The following ZBTB20 variants were observed in gnomAD, a reference collection of about 807,000 sequenced individuals.
The protein encoded by ZBTB20 is zinc finger and BTB domain-containing protein 20.
Under a neutral mutation model 56.9 loss-of-function variants are expected in ZBTB20, and 9 were observed. The observed-to-expected ratio is 0.16, with a 90% CI of 0.10 to 0.28. The LOEUF (loss-of-function observed/expected upper bound fraction) is 0.28. Among genes scored for constraint, ZBTB20 ranks in the 10% least tolerant of loss-of-function variants. ZBTB20 has a pLI of 1.00. For synonymous variants in ZBTB20, 417 were observed against 420.7 expected (o/e 0.99, Z 0.11); for missense variants, 655 against 1,003.0 (o/e 0.65, Z 4.69).
chr3:114,981,176 C>G (rs2078311551), intron 2 of ZBTB20, among the ~76,000 whole-genome samples: 2 of 151,868 alleles, frequency 1.3e-5, no homozygotes, highest in African/African-American at 4.8e-5. Flanking sequence ...ATAAAAACCC[C>G]TTGCTTTCTA....
intron 1 of ZBTB20, among the ~76,000 whole-genome samples, chr3:115,073,880 C>G (rs1231667702): frequency 2.0e-5 from 3 of 151,926 alleles, no homozygotes; most frequent in Non-Finnish European, 4.4e-5. Context: ...CATTATGAAA[C>G]TTTGCTCCCA....
intron 6 of ZBTB20, among the ~76,000 whole-genome samples, chr3:114,604,865 T>C (rs1238556133): frequency 2.6e-5 from 4 of 152,132 alleles, no homozygotes; most frequent in African/African-American, 9.7e-5. Flanking sequence ...GATGAATCCC[T>C]TTAAAAGCCT....
intron 5 of ZBTB20, among the ~76,000 whole-genome samples, chr3:114,790,600 T>C (rs4516580): frequency 0.67 from 101,057 of 151,628 alleles, 38,720 homozygotes; most frequent in East Asian, 0.95. Flanking sequence ...CTTTTTTTTT[T>C]TTTTTTTACA....
intron 5 of ZBTB20, among the ~76,000 whole-genome samples, chr3:114,713,377 G>C (rs1225144688): frequency 3.3e-5 from 5 of 152,080 alleles, no homozygotes; most frequent in African/African-American, 1.2e-4. Flanking sequence ...TTTCCTAGCT[G>C]AAAATGCCGG....
chr3:115,074,814 G>A (rs1032834693), intron 1 of ZBTB20, among the ~76,000 whole-genome samples: 1 of 152,058 alleles, frequency 6.6e-6, no homozygotes, highest in Admixed American at 6.6e-5. Context: ...GAGTGGAGCT[G>A]GGCCTCTGAT....
chr3:115,020,165 T>C (rs1051488022), intron 2 of ZBTB20, among the ~76,000 whole-genome samples: 5 of 151,150 alleles, frequency 3.3e-5, no homozygotes, highest in African/African-American at 1.2e-4. Context: ...AACCCAAATG[T>C]CTTGAGCCAC....
chr3:115,078,613 G>GTGTGTGTGTGTATA (rs769630983), intron 1 of ZBTB20, among the ~76,000 whole-genome samples: 5 of 137,828 alleles, frequency 3.6e-5, no homozygotes, highest in African/African-American at 1.4e-4. Context: ...GTGTGTGTGT[G>GTGTGTGTGTGTATA]TATATATATA....
chr3:115,132,612 T>G (rs939813941), intron 1 of ZBTB20, among the ~76,000 whole-genome samples: 3 of 152,134 alleles, frequency 2.0e-5, no homozygotes, highest in African/African-American at 7.2e-5. Flanking sequence ...ATTTAACAAT[T>G]TAGGCCATGT....
intron 7 of ZBTB20, among the ~76,000 whole-genome samples, chr3:114,423,046 C>T (rs2089327709): frequency 6.6e-6 from 1 of 152,100 alleles, no homozygotes. Context: ...GCCCTTTTCT[C>T]CCATAATCAA....
chr3:114,438,434 AC>A (rs1553712958), intron 7 of ZBTB20, among the ~76,000 whole-genome samples: 21 of 127,610 alleles, frequency 1.6e-4, no homozygotes, highest in South Asian at 5.6e-4. Context: ...AACAAAAAAA[AC>A]CAAAAAAAAA....
intron 6 of ZBTB20, among the ~76,000 whole-genome samples, chr3:114,551,262 A>C (rs2050542002): frequency 6.6e-6 from 1 of 152,238 alleles, no homozygotes; most frequent in Admixed American, 6.5e-5. Context: ...TCACAATAAA[A>C]GAGATTCAAT....
chr3:114,724,971 G>A (rs1165475086), intron 5 of ZBTB20, among the ~76,000 whole-genome samples: 1 of 151,868 alleles, frequency 6.6e-6, no homozygotes, highest in Non-Finnish European at 1.5e-5. Flanking sequence ...GCAAATTTCT[G>A]GGCTCCAATC....
chr3:114,802,786 A>G lies in ZBTB20; in HGVS notation c.-416-1612T>C, dbSNP rs368777410. On this transcript the variant is annotated intron_variant, in intron 4 of 11. Coordinates refer to ENST00000675478, the MANE Select transcript of ZBTB20 (RefSeq NM_001348800.3). ...ACCTCTGGATAAATCTAATTCACCA[A>G]CTGGCATTGTTCTACTCACCAACAA... Among the ~76,000 whole-genome samples the G allele has an allele frequency of 1.1e-3, 174 of 152,090 alleles. 1 individual carries two copies. Among genetic ancestry groups the G allele is most frequent in the African/African-American group, 4.1e-3 (171 of 41,546 alleles).
At chr3:114,444,306 A>G (rs2091124506) in intron 7 of ZBTB20, among the ~76,000 whole-genome samples, 1 of 152,112 alleles carries the variant, frequency 6.6e-6, no homozygotes, top group African/African-American at 2.4e-5. Flanking sequence ...ATACAAGGCT[A>G]TGGAGGTCTG....
chr3:114,773,096 G>T (rs1467897492), intron 5 of ZBTB20, among the ~76,000 whole-genome samples: 1 of 152,168 alleles, frequency 6.6e-6, no homozygotes, highest in African/African-American at 2.4e-5. Flanking sequence ...TGATAGCAAG[G>T]AAATGGAGAT....
At chr3:115,045,958 T>TG (rs1332421312) in intron 2 of ZBTB20, among the ~76,000 whole-genome samples, 3 of 152,210 alleles carry the variant, frequency 2.0e-5, no homozygotes, top group African/African-American at 7.2e-5. Flanking sequence ...TTGTTTACAA[T>TG]CTTTCATCAA....
intron 10 of ZBTB20, among the ~76,000 whole-genome samples, chr3:114,354,824 C>A (rs1375068570): frequency 2.0e-5 from 3 of 152,150 alleles, no homozygotes; most frequent in African/African-American, 7.2e-5. Flanking sequence ...AGGTGATCTG[C>A]CCGCCTCGGC....
At chr3:114,442,775 A>G (rs2091014063) in intron 7 of ZBTB20, among the ~76,000 whole-genome samples, 1 of 152,130 alleles carries the variant, frequency 6.6e-6, no homozygotes, top group Non-Finnish European at 1.5e-5. Flanking sequence ...CAAGATCCAT[A>G]CATACTCAGA....
chr3:114,478,260 C>A (rs2041107658), intron 7 of ZBTB20, among the ~76,000 whole-genome samples: 1 of 152,222 alleles, frequency 6.6e-6, no homozygotes, highest in Non-Finnish European at 1.5e-5. Context: ...GCCACCACAC[C>A]CAGCCTAGAC....
Sources: allele counts gnomAD v4.1 joint callset (sites outside exome capture counted in the v4.1 genomes callset), GRCh38; gene constraint gnomAD v4.1.1; transcripts MANE v1.5; gene names NCBI Gene and HGNC (gene_info 2026-07-23, HGNC 2026-07-21).